FAM120A: variants seen among roughly 807,000 people sequenced by gnomAD.
FAM120A encodes family with sequence similarity 120 member A, also known as constitutive coactivator of PPAR-gamma-like protein 1.
FAM120A carries 15 observed loss-of-function variants against 109.7 expected under a neutral mutation model. That is an observed-to-expected ratio of 0.14 (90% confidence interval 0.09 to 0.21). The LOEUF (loss-of-function observed/expected upper bound fraction) is 0.21, where lower values mean the gene tolerates loss of function less well. Ranked by LOEUF, FAM120A falls within the 10% of genes least tolerant of loss-of-function variation. The pLI is 1.00. For synonymous variants in FAM120A, 493 were observed against 572.8 expected, an observed-to-expected ratio of 0.86 and a Z score of 1.99; for missense variants, 899 against 1,439.3, an observed-to-expected ratio of 0.62 and a Z score of 6.07.
chr9:93,452,695 C>T lies in FAM120A; in HGVS notation c.474+306C>T, dbSNP rs771142117. On this transcript the variant is annotated intron_variant, in intron 1 of 17. Transcript: ENST00000277165. This position sits in a 1 kb window ranked among gnomAD's most constrained non-coding sequence, Gnocchi z 7.0. ...CGACAGTGTCATCATCCCCAATATC[C>T]TTAGTTTTTCCCATCCTATTTGAGG... The T allele has an allele frequency of 1.9e-6, 3 of 1,598,616 alleles. No individual in the cohort carries two copies. The highest frequency in any genetic ancestry group is 1.7e-4 in the Middle Eastern group (1 of 6,060).
chr9:93,549,395 A>C (rs1346009840), intron 11 of FAM120A, among the ~76,000 whole-genome samples: 1 of 152,198 alleles, frequency 6.6e-6, no homozygotes, highest in Non-Finnish European at 1.5e-5. Context: ...AGATGAGTTA[A>C]AGTGTGTAAG....
chr9:93,499,374 A>G (rs185005211), intron 5 of FAM120A, among the ~76,000 whole-genome samples: 1 of 150,084 alleles, frequency 6.7e-6, no homozygotes, highest in South Asian at 2.1e-4. Context: ...TGCAACCTCT[A>G]CCTCCCAGGC....
intron 11 of FAM120A, among the ~76,000 whole-genome samples, chr9:93,545,988 G>C (rs1399910976): frequency 6.6e-6 from 1 of 151,678 alleles, no homozygotes; most frequent in African/African-American, 2.4e-5. Context: ...GTTTTACCAT[G>C]TTGGTCAGGC....
rs577680756 is a variant in FAM120A at position 93,552,150 on chromosome 9, G to A, written c.2274+1459G>A. On this transcript the variant is annotated intron_variant, in intron 12 of 17. Transcript: ENST00000277165. ...ACATCCCAGTTCTGAAAATCAGACCGCCAGGTATCAGGTATGCCCACTAAG... is the reference window on the plus strand; with the variant it reads ...ACATCCCAGTTCTGAAAATCAGACCACCAGGTATCAGGTATGCCCACTAAG... 9.2e-5 allele frequency among the ~76,000 whole-genome samples: 14 copies of A among 152,274 alleles called. No individual in the cohort carries two copies. The East Asian group carries it at 2.5e-3, about 27-fold the overall frequency.
intron 17 of FAM120A, 77 bp from the exon 18 acceptor site, chr9:93,564,152 T>C: frequency 1.4e-6 from 2 of 1,456,032 alleles, no homozygotes; most frequent in Non-Finnish European, 1.9e-6. Context: ...GAGAGTGTCA[T>C]TAGGCCAAAA....
chr9:93,465,491 C>T (rs750799113), intron 1 of FAM120A, among the ~76,000 whole-genome samples: 8 of 152,140 alleles, frequency 5.3e-5, no homozygotes, highest in African/African-American at 9.7e-5. Context: ...TTATTTTTCA[C>T]GTGCCTGTTA....
intron 16 of FAM120A, among the ~76,000 whole-genome samples, chr9:93,561,780 T>C (rs1398933774): frequency 1.3e-5 from 2 of 152,082 alleles, no homozygotes; most frequent in Non-Finnish European, 2.9e-5. Flanking sequence ...TTAACAATTA[T>C]TAAATAATTA....
intron 5 of FAM120A, among the ~76,000 whole-genome samples, chr9:93,499,606 A>G (rs1406045727): frequency 6.6e-6 from 1 of 152,226 alleles, no homozygotes; most frequent in Non-Finnish European, 1.5e-5. Flanking sequence ...ACCAAAAGTT[A>G]ATTCAGAGAT....
intron 10 of FAM120A, among the ~76,000 whole-genome samples, chr9:93,542,498 G>A (rs1861740633): frequency 6.6e-6 from 1 of 152,200 alleles, no homozygotes; most frequent in Admixed American, 6.5e-5. Context: ...TTGACTAATA[G>A]TGAAACATCT....
At chr9:93,524,324 G>A (rs1028928933) in intron 7 of FAM120A, among the ~76,000 whole-genome samples, 9 of 152,260 alleles carry the variant, frequency 5.9e-5, no homozygotes, top group Admixed American at 4.6e-4. Context: ...AGGAACATGA[G>A]TGACACGTCA....
intron 10 of FAM120A, among the ~76,000 whole-genome samples, chr9:93,538,325 C>A (rs1234767011): frequency 1.3e-5 from 2 of 152,076 alleles, no homozygotes; most frequent in Admixed American, 6.5e-5. Flanking sequence ...AAGAACCCAA[C>A]CTGCTACCTA....
intron 11 of FAM120A, among the ~76,000 whole-genome samples, chr9:93,547,513 T>C (rs79274027): frequency 1.1e-4 from 16 of 152,138 alleles, no homozygotes; most frequent in African/African-American, 3.6e-4. Flanking sequence ...GGGGTCAAGG[T>C]CAGCCAGCCT....
intron 7 of FAM120A, chr9:93,523,252 G>A: frequency 8.3e-7 from 1 of 1,205,282 alleles, no homozygotes; most frequent in Non-Finnish European, 1.1e-6. Context: ...CTTGAAGATG[G>A]TGTTGAATGT....
In FAM120A at chr9:93,532,427, C is replaced by T. The variant is rs1033716016; in HGVS notation, c.1909+98C>T. 14 of 1,400,960 alleles carry T rather than the reference C, an allele frequency of 1.0e-5. No individual in the cohort carries two copies. The highest frequency in any genetic ancestry group is 5.7e-5 in the African/African-American group (4 of 70,574). 86.8% of individuals were successfully genotyped at this position (1,400,960 alleles called of 1,614,324 possible). ...AGAAGAATCATGACTGAGTTGACCC[C>T]GAGTGCCTCTGTGTAAAGGAGGTGG... On this transcript the variant is annotated intron_variant, in intron 10 of 17. Transcript: ENST00000277165. This position sits in a 1 kb window ranked among gnomAD's most constrained non-coding sequence, Gnocchi z 4.3.
chr9:93,459,853 C>G (rs1263444577), intron 1 of FAM120A, among the ~76,000 whole-genome samples: 2 of 152,186 alleles, frequency 1.3e-5, no homozygotes, highest in Non-Finnish European at 2.9e-5. Flanking sequence ...AATAATGTGG[C>G]CTAAAATACC....
At chr9:93,457,744 A>G (rs931580673) in intron 1 of FAM120A, among the ~76,000 whole-genome samples, 1 of 151,838 alleles carries the variant, frequency 6.6e-6, no homozygotes, top group African/African-American at 2.4e-5. Context: ...TGTGCCACCA[A>G]TTTGTTATTT....
At chr9:93,507,669 G>T (rs928126432) in intron 5 of FAM120A, among the ~76,000 whole-genome samples, 1 of 152,160 alleles carries the variant, frequency 6.6e-6, no homozygotes, top group African/African-American at 2.4e-5. Flanking sequence ...GTGCACAGTT[G>T]TTAGCAGCGC....
chr9:93,471,462 T>C, intron 2 of FAM120A, 75 bp downstream of exon 2: 2 of 1,557,424 alleles, frequency 1.3e-6, no homozygotes, highest in South Asian at 2.4e-5. Context: ...TAAGTGTTTC[T>C]GTGCTTGAAT....
At chr9:93,524,779 T>G (rs1009807956) in intron 7 of FAM120A, among the ~76,000 whole-genome samples, 2 of 152,154 alleles carry the variant, frequency 1.3e-5, no homozygotes, top group Non-Finnish European at 2.9e-5. Flanking sequence ...TAGAGATTTA[T>G]AGTGTGGAGG....
Sources: gnomAD v4.1 joint callset for allele counts (sites outside exome capture counted in the v4.1 genomes callset) on GRCh38, gnomAD v4.1.1 for gene constraint, Gnocchi (gnomAD v3.1) non-coding constraint, MANE v1.5 for transcripts, NCBI Gene and HGNC (gene_info 2026-07-23, HGNC 2026-07-21) for gene names.